The following FLT3 variants were observed in gnomAD, a reference collection of about 807,000 sequenced individuals.
FLT3 encodes the protein fms related receptor tyrosine kinase 3.
FLT3 carries 46 observed loss-of-function variants against 126.6 expected under a neutral mutation model. The observed-to-expected ratio is 0.36, with a 90% CI of 0.29 to 0.46. The LOEUF is 0.46. Ranked by LOEUF, FLT3 falls within the 20% of genes least tolerant of loss-of-function variation. The probability of loss-of-function intolerance (pLI) is 1.00; values close to 1 mark genes in which losing one functional copy is unlikely to be tolerated. For synonymous variants in FLT3, 404 were observed against 434.4 expected, an observed-to-expected ratio of 0.93 and a Z score of 0.87; for missense variants, 1,069 against 1,190.3, an observed-to-expected ratio of 0.90 and a Z score of 1.50.
chr13:28,005,211 C>G (rs1870774976), intron 23 of FLT3, among the ~76,000 whole-genome samples: 1 of 152,140 alleles, frequency 6.6e-6, no homozygotes, highest in Non-Finnish European at 1.5e-5. Flanking sequence ...CGCCTGCAGT[C>G]CCAGCTACTT....
At chr13:28,022,531 C>CA (rs1051882807) in intron 19 of FLT3, among the ~76,000 whole-genome samples, 1 of 151,476 alleles carries the variant, frequency 6.6e-6, no homozygotes, top group African/African-American at 2.4e-5. Context: ...CAAAACAAAA[C>CA]AAAAAAATAC....
chr13:28,055,035 G>T (rs1305258016), intron 4 of FLT3, among the ~76,000 whole-genome samples: 1 of 152,100 alleles, frequency 6.6e-6, no homozygotes, highest in African/African-American at 2.4e-5. Flanking sequence ...ATTGTGAACT[G>T]CAAGTATTTT....
intron 18 of FLT3, among the ~76,000 whole-genome samples, chr13:28,024,115 C>T (rs1566063755): frequency 6.7e-6 from 1 of 148,518 alleles, no homozygotes; most frequent in Admixed American, 7.0e-5. Context: ...CCATTTACTC[C>T]TTCCTTTTTT....
intron 20 of FLT3, among the ~76,000 whole-genome samples, chr13:28,016,389 G>C (rs1200983984): frequency 2.0e-5 from 3 of 152,028 alleles, no homozygotes; most frequent in Non-Finnish European, 4.4e-5. Context: ...TCCTGCCTCA[G>C]CCTCCCGAGT....
intron 17 of FLT3, chr13:28,025,198 C>T: frequency 2.0e-6 from 1 of 505,292 alleles, no homozygotes; most frequent in East Asian, 3.5e-5. Flanking sequence ...TCAATCCTTG[C>T]CACAACCTAT....
chr13:28,029,258 G>T (rs60601341), intron 15 of FLT3, among the ~76,000 whole-genome samples: 1 of 152,026 alleles, frequency 6.6e-6, no homozygotes, highest in East Asian at 1.9e-4. Context: ...CGGGCGTGCC[G>T]GTGCGTACCT....
chr13:28,086,506 A>G (rs1419136611), intron 1 of FLT3, among the ~76,000 whole-genome samples: 1 of 152,238 alleles, frequency 6.6e-6, no homozygotes. Context: ...GATTTAAACA[A>G]TAAGAAAAAA....
chr13:28,084,389 C>G (rs527501693), intron 1 of FLT3, among the ~76,000 whole-genome samples: 1 of 152,098 alleles, frequency 6.6e-6, no homozygotes, highest in African/African-American at 2.4e-5. Flanking sequence ...GAGTCTCACT[C>G]GTCACCCAGG....
At position 28,027,274 on chromosome 13, in the gene FLT3, C is replaced by A. The variant is rs1175425294; in HGVS notation, c.2054-33G>T. 1.9e-6 allele frequency: 3 copies of A among 1,564,124 alleles called. No individual in the cohort carries two copies. The Admixed American group carries it at 5.2e-5, about 27-fold the overall frequency. Reference sequence around the variant, plus strand: ...AGTTACAGTTTCAATTATAGGCATACACAAAGCAAACTGTTATTTCAGAAG... The same window carrying A: ...AGTTACAGTTTCAATTATAGGCATAAACAAAGCAAACTGTTATTTCAGAAG... On this transcript the variant is annotated intron_variant, in intron 16 of 23. Transcript: ENST00000241453.
At chr13:28,009,262 C>T (rs1198832133) in intron 23 of FLT3, 2 of 152,136 alleles carry the variant, frequency 1.3e-5, no homozygotes, top group Admixed American at 6.5e-5. Context: ...TTATGTGTTA[C>T]GTTTCTATCT....
chr13:28,048,554 G>A, intron 8 of FLT3, 111 bp from the exon 9 acceptor site: 1 of 748,592 alleles, frequency 1.3e-6, no homozygotes. Flanking sequence ...AAACTCAAGT[G>A]TTGGCATGCT....
intron 4 of FLT3, among the ~76,000 whole-genome samples, chr13:28,054,473 G>A (rs1046233045): frequency 3.3e-5 from 5 of 151,550 alleles, no homozygotes; most frequent in African/African-American, 1.2e-4. Flanking sequence ...TGTAATCCCA[G>A]CACTTAGGGA....
At position 28,048,308 on chromosome 13, in the gene FLT3, G is replaced by A; in HGVS notation, c.1172C>T (p.Pro391Leu). 3 of 1,613,926 alleles carry A rather than the reference G, an allele frequency of 1.9e-6. No homozygotes were observed. The highest frequency in any genetic ancestry group is 1.7e-5 in the Admixed American group (1 of 60,000). The change falls in exon 9 of 24, where the codon CCT (proline) becomes CTT (leucine). Residue 391 changes from proline (P) to leucine (L), a missense_variant. Physicochemically the swap from Pro to Leu is moderately conservative, Grantham distance 98. Transcript: ENST00000241453. ...GTTATCAAGACCCTTTTGCTCACAA[G>A]GAAATGATTTTCGAGAGAAGGTCCA... Reference protein sequence around the residue: ...CTWTFSRKSFPCEQKGLDNGY... With the variant: ...CTWTFSRKSFLCEQKGLDNGY...
chr13:28,064,723 G>A (rs113546045), intron 2 of FLT3, among the ~76,000 whole-genome samples: 3,043 of 152,068 alleles, frequency 0.02, 88 homozygotes, highest in African/African-American at 0.068. Flanking sequence ...ACATTTTGTC[G>A]GTGAGGCCAT....
At chr13:28,015,329 A>G in intron 21 of FLT3, 73 bp from the exon 22 acceptor site, 1 of 1,022,764 alleles carries the variant, frequency 9.8e-7, no homozygotes, top group South Asian at 1.3e-5. Context: ...TCAATTAAAC[A>G]CGTATTGAGA....
At chr13:28,014,598 G>T in intron 22 of FLT3, 41 bp from the exon 23 acceptor site, 2 of 1,370,426 alleles carry the variant, frequency 1.5e-6, no homozygotes, top group South Asian at 1.2e-5. Flanking sequence ...GAAGAAGTCT[G>T]AATGAAGCAA....
chr13:28,045,117 G>A (rs1202335846), intron 9 of FLT3, among the ~76,000 whole-genome samples: 2 of 152,088 alleles, frequency 1.3e-5, no homozygotes, highest in Non-Finnish European at 2.9e-5. Context: ...TGGGGTCATG[G>A]GTATGGATTG....
At chr13:28,039,019 A>T (rs765027200) in intron 9 of FLT3, among the ~76,000 whole-genome samples, 1 of 151,988 alleles carries the variant, frequency 6.6e-6, no homozygotes, top group African/African-American at 2.4e-5. Flanking sequence ...TTCATAGAGG[A>T]GGTAGAGCTC....
chr13:28,029,485 C>T (rs1385369068), intron 15 of FLT3, among the ~76,000 whole-genome samples: 2 of 152,162 alleles, frequency 1.3e-5, no homozygotes, highest in African/African-American at 4.8e-5. Flanking sequence ...CTCTACCTAC[C>T]AAAATAAAAA....
Sources: gnomAD v4.1 joint callset for allele counts (sites outside exome capture counted in the v4.1 genomes callset) on GRCh38, gnomAD v4.1.1 for gene constraint, MANE v1.5 for transcripts, NCBI Gene and HGNC (gene_info 2026-07-23, HGNC 2026-07-21) for gene names.